The following BANK1 variants were observed in gnomAD, a reference collection of about 807,000 sequenced individuals.
BANK1 encodes B-cell scaffold protein with ankyrin repeats.
In BANK1, 95 loss-of-function variants were observed where a neutral mutation model predicts 94.5. The observed-to-expected ratio is 1.00, with a 90% CI of 0.85 to 1.19. The LOEUF is 1.19. Ranked by LOEUF, BANK1 falls within the 50% of genes most tolerant of loss-of-function variation. The pLI is 0.00. For synonymous variants in BANK1, 334 were observed against 308.4 expected (o/e 1.08, Z -0.87); for missense variants, 987 against 932.2 (o/e 1.06, Z -0.77).
At position 101,895,350 on chromosome 4, in the gene BANK1, C is replaced by T; in HGVS notation, c.949C>T (p.His317Tyr). ...TGGTGTCCTTACATCCATATTCAAA[C>T]ATGAGATACCATATTATGAGTTCCA... The part of the protein sequence containing the change: ...LDGVLTSIFK[H>Y]EIPYYEFQSL... The change falls in exon 6 of 17, where the codon CAT becomes TAT. Residue 317 changes from histidine (H) to tyrosine (Y), a missense_variant. Transcript: ENST00000322953. 1 of 1,594,568 alleles carries T rather than the reference C, an allele frequency of 6.3e-7. No homozygotes were observed. The highest frequency in any genetic ancestry group is 1.4e-5 in the African/African-American group (1 of 73,376).
intron 3 of BANK1, among the ~76,000 whole-genome samples, chr4:101,859,848 G>A (rs1239599735): frequency 2.0e-5 from 3 of 152,142 alleles, no homozygotes; most frequent in Admixed American, 2.0e-4. Flanking sequence ...ACACCCTTAG[G>A]ATGTTTAACA....
At chr4:102,004,821 G>T (rs1164061407) in intron 7 of BANK1, among the ~76,000 whole-genome samples, 2 of 152,060 alleles carry the variant, frequency 1.3e-5, no homozygotes, top group Non-Finnish European at 2.9e-5. Flanking sequence ...AGCAATAAAA[G>T]ATTATTATGT....
intron 6 of BANK1, among the ~76,000 whole-genome samples, chr4:101,917,301 GTTTTA>G (rs1722858928): frequency 2.0e-5 from 3 of 151,760 alleles, no homozygotes; most frequent in Admixed American, 6.6e-5. Context: ...ATTCATTTGT[GTTTTA>G]TTTTGTTTGT....
intron 2 of BANK1, among the ~76,000 whole-genome samples, chr4:101,837,695 A>T (rs1038576276): frequency 6.6e-6 from 1 of 152,088 alleles, no homozygotes; most frequent in Non-Finnish European, 1.5e-5. Context: ...ATGTTTGGTC[A>T]TTCTCATGTA....
At chr4:102,036,041 A>T (rs1399745007) in intron 10 of BANK1, among the ~76,000 whole-genome samples, 3 of 152,174 alleles carry the variant, frequency 2.0e-5, no homozygotes, top group Non-Finnish European at 4.4e-5. Flanking sequence ...ATTGGGTAAA[A>T]TTTTTCAGCA....
rs745611114 is a variant in BANK1 at position 102,063,025 on chromosome 4, C to A, written c.2149-50C>A. 35 of 1,435,734 alleles carry A rather than the reference C, an allele frequency of 2.4e-5. No homozygotes were observed. In the South Asian group the frequency reaches 2.4e-4, roughly 10 times the overall value. 88.9% of individuals were successfully genotyped at this position (1,435,734 alleles called of 1,614,324 possible). ...TAGTAGTTGATGTTTTCATCTTGAT[C>A]CATAAAAATTTGAAAATCATAACTA... On this transcript the variant is annotated intron_variant, in intron 12 of 16. Transcript: ENST00000322953.
chr4:101,995,019 T>A (rs1432264932), intron 7 of BANK1, among the ~76,000 whole-genome samples: 1 of 152,176 alleles, frequency 6.6e-6, no homozygotes, highest in Non-Finnish European at 1.5e-5. Context: ...TGCATAGGTA[T>A]ACATGTGCCA....
intron 2 of BANK1, among the ~76,000 whole-genome samples, chr4:101,853,433 C>A (rs530897406): frequency 6.6e-6 from 1 of 152,260 alleles, no homozygotes; most frequent in Non-Finnish European, 1.5e-5. Context: ...CCTGTCAATG[C>A]TGCTTAGCCA....
intron 7 of BANK1, among the ~76,000 whole-genome samples, chr4:101,952,986 A>C (rs1724223521): frequency 1.3e-5 from 2 of 152,184 alleles, no homozygotes; most frequent in South Asian, 2.1e-4. Flanking sequence ...ATTAACGATC[A>C]GTGAGAAGAA....
chr4:101,888,083 G>T (rs1001750443), intron 5 of BANK1, among the ~76,000 whole-genome samples: 3 of 152,048 alleles, frequency 2.0e-5, no homozygotes, highest in Non-Finnish European at 4.4e-5. Flanking sequence ...TTTAAGAACA[G>T]AGCAACAAAT....
At chr4:101,913,947 G>C (rs1254488552) in intron 6 of BANK1, among the ~76,000 whole-genome samples, 3 of 152,098 alleles carry the variant, frequency 2.0e-5, no homozygotes, top group African/African-American at 7.2e-5. Context: ...TGACATTCTA[G>C]AACTCAATTT....
intron 7 of BANK1, among the ~76,000 whole-genome samples, chr4:101,989,652 C>CT (rs1725634799): frequency 1.3e-5 from 2 of 150,884 alleles, no homozygotes; most frequent in Admixed American, 1.3e-4. Context: ...TTTTTTTTCT[C>CT]TGTCTCTCTT....
At chr4:101,971,410 A>C (rs568856693) in intron 7 of BANK1, among the ~76,000 whole-genome samples, 9 of 152,264 alleles carry the variant, frequency 5.9e-5, no homozygotes, top group Admixed American at 2.6e-4. Flanking sequence ...AAAAACAATA[A>C]GATGAACATA....
At chr4:101,814,827 C>A (rs934867991) in intron 1 of BANK1, among the ~76,000 whole-genome samples, 1 of 152,112 alleles carries the variant, frequency 6.6e-6, no homozygotes, top group Non-Finnish European at 1.5e-5. Flanking sequence ...TAAAAACACA[C>A]CATAATATTC....
chr4:101,875,058 A>G (rs1039097324), intron 5 of BANK1, among the ~76,000 whole-genome samples: 2 of 152,190 alleles, frequency 1.3e-5, no homozygotes, highest in Non-Finnish European at 2.9e-5. Flanking sequence ...TCTATATAAG[A>G]AAACCACCTT....
chr4:101,914,769 A>G (rs895422536), intron 6 of BANK1, among the ~76,000 whole-genome samples: 8 of 152,278 alleles, frequency 5.3e-5, no homozygotes, highest in Admixed American at 1.3e-4. Context: ...TCTAATACAT[A>G]TATTTTCTCC....
At chr4:101,913,225 A>G (rs564930046) in intron 6 of BANK1, among the ~76,000 whole-genome samples, 2 of 152,256 alleles carry the variant, frequency 1.3e-5, no homozygotes, top group East Asian at 3.9e-4. Context: ...TAATGAATGT[A>G]GAGGAAAAGA....
intron 1 of BANK1, among the ~76,000 whole-genome samples, chr4:101,818,836 G>A (rs1726022665): frequency 6.7e-6 from 1 of 149,804 alleles, no homozygotes; most frequent in South Asian, 2.1e-4. Flanking sequence ...TGGGGGTCTT[G>A]GAAGGTATTC....
intron 7 of BANK1, among the ~76,000 whole-genome samples, chr4:101,993,960 A>T (rs1263113839): frequency 1.3e-5 from 2 of 152,220 alleles, no homozygotes; most frequent in East Asian, 3.9e-4. Flanking sequence ...CTTTGTCTAC[A>T]TGGTGCCATA....
Sources: allele counts gnomAD v4.1 joint callset (sites outside exome capture counted in the v4.1 genomes callset), GRCh38; gene constraint gnomAD v4.1.1; transcripts MANE v1.5; gene names NCBI Gene and HGNC (gene_info 2026-07-23, HGNC 2026-07-21).